KIZ: variants seen among roughly 807,000 people sequenced by gnomAD.
The protein encoded by KIZ is kizuna centrosomal protein, also known as centrosomal protein kizuna.
Under a neutral mutation model 79.6 loss-of-function variants are expected in KIZ, and 68 were observed. The ratio of observed to expected loss-of-function variants is 0.85; its 90% CI spans 0.70 to 1.05. KIZ has a LOEUF of 1.05. KIZ is among the 50% of genes least tolerant of loss of function. The pLI, the probability that KIZ is intolerant of heterozygous loss-of-function variation, is 0.00. For synonymous variants in KIZ, 280 were observed against 281.8 expected, an observed-to-expected ratio of 0.99 and a Z score of 0.06; for missense variants, 797 against 800.4, an observed-to-expected ratio of 1.00 and a Z score of 0.05.
chr20:21,140,542 A>G (rs1254893336), intron 3 of KIZ, among the ~76,000 whole-genome samples: 2 of 152,212 alleles, frequency 1.3e-5, no homozygotes, highest in African/African-American at 4.8e-5. Context: ...TTTATGACTC[A>G]TAATACTTTA....
In KIZ at chr20:21,134,641, ACT is replaced by A. The variant is rs199631339; in HGVS notation, c.153-1745_153-1744del. On this transcript the variant is annotated intron_variant, in intron 2 of 12. Coordinates refer to ENST00000619189, the MANE Select transcript of KIZ (RefSeq NM_018474.6). ...TTTTTGGCTTCATCAATTTTGATTA[ACT>A]CTCATTCATCTTTCAGGTTTTTTTT... Among the ~76,000 whole-genome samples the A allele has an allele frequency of 1.0e-4, 15 of 146,570 alleles. No individual in the cohort carries two copies. The East Asian group carries it at 3.0e-3, about 29-fold the overall frequency.
At chr20:21,226,126 G>C (rs888661649) in intron 9 of KIZ, 2 of 152,268 alleles carry the variant, frequency 1.3e-5, no homozygotes, top group Non-Finnish European at 2.9e-5. Context: ...TTTTTAAAAA[G>C]AAGAAAGAAA....
At chr20:21,190,865 A>G (rs2035077107) in intron 6 of KIZ, among the ~76,000 whole-genome samples, 2 of 152,372 alleles carry the variant, frequency 1.3e-5, no homozygotes, top group African/African-American at 2.4e-5. Flanking sequence ...TGCCCTGTCA[A>G]TAGACAATAG....
rs200184705 is a variant in KIZ, at chr20:21,213,283, C to T, written c.1447-1252C>T. Among the ~76,000 whole-genome samples the T allele has an allele frequency of 2.4e-4, 36 of 152,314 alleles. No individual in the cohort carries two copies. The East Asian group carries it at 6.8e-3, about 29-fold the overall frequency. ...TTCTTACCGGGCCTTCCGTCCGGGC[C>T]TTCCGACCGGACCTTCCATGCTCTG... On this transcript the variant is annotated intron_variant, in intron 7 of 12. Transcript: ENST00000619189.
At chr20:21,210,263 G>A (rs1397170473) in intron 7 of KIZ, among the ~76,000 whole-genome samples, 5 of 152,042 alleles carry the variant, frequency 3.3e-5, no homozygotes, top group African/African-American at 9.7e-5. Context: ...AGCTTCGATC[G>A]CGCCACTGCA....
intron 9 of KIZ, among the ~76,000 whole-genome samples, chr20:21,220,735 C>T (rs182653893): frequency 1.3e-5 from 2 of 152,354 alleles, no homozygotes; most frequent in East Asian, 1.9e-4. Context: ...CCACCTTGGC[C>T]TCCCAAAGTG....
At chr20:21,155,367 C>T (rs2033327467) in intron 4 of KIZ, among the ~76,000 whole-genome samples, 1 of 151,864 alleles carries the variant, frequency 6.6e-6, no homozygotes, top group African/African-American at 2.4e-5. Flanking sequence ...ATAAATGCCA[C>T]AAAATGGATA....
Position 21,163,065 on chromosome 20 carries a change from A to C in KIZ, c.1258A>C (p.Arg420=). 1 of 1,613,806 alleles carries C rather than the reference A, an allele frequency of 6.2e-7. No individual in the cohort carries two copies. The highest frequency in any genetic ancestry group is 1.1e-5 in the South Asian group (1 of 91,082). The part of the protein sequence containing the change: ...ALKLIHAEQE[R]VALSTEKNCI... ...AAAATTAATCCATGCTGAGCAAGAA[A>C]GAGTTGCCCTATCCACTGAAAAAAA... Residue 420 remains arginine, a synonymous_variant, in exon 6 of 13, where the codon AGA becomes CGA. Coordinates refer to ENST00000619189, the MANE Select transcript of KIZ (RefSeq NM_018474.6).
At chr20:21,205,044 G>A (rs182402579) in intron 6 of KIZ, among the ~76,000 whole-genome samples, 1 of 152,268 alleles carries the variant, frequency 6.6e-6, no homozygotes, top group African/African-American at 2.4e-5. Context: ...TCAGGAGGCC[G>A]AGGCAGGTGG....
chr20:21,228,482 C>T (rs908276472), intron 9 of KIZ, among the ~76,000 whole-genome samples: 4 of 152,126 alleles, frequency 2.6e-5, no homozygotes, highest in African/African-American at 4.8e-5. Context: ...AACCCGTTCT[C>T]GCTCCTTCCC....
At chr20:21,154,449 A>T (rs1329691055) in intron 4 of KIZ, among the ~76,000 whole-genome samples, 2 of 152,226 alleles carry the variant, frequency 1.3e-5, no homozygotes, top group African/African-American at 4.8e-5. Flanking sequence ...ATTTTCAGTC[A>T]TGTTCATGTG....
chr20:21,224,613 A>G (rs898800498), intron 9 of KIZ, among the ~76,000 whole-genome samples: 2 of 152,246 alleles, frequency 1.3e-5, no homozygotes, highest in African/African-American at 4.8e-5. Flanking sequence ...CTGTAGTGAT[A>G]GTATTGTTTG....
rs549596975 is a variant in KIZ, at chr20:21,244,123, G to A, written c.1881-122G>A. ...TCCCTTTACTTTTAAACTCTGGGAA[G>A]TAAGTGTAAAGTTCTGGCCTCCAGT... is the stretch of plus-strand genomic sequence containing the variant. On this transcript the variant is annotated intron_variant, in intron 11 of 12. Coordinates refer to ENST00000619189, the MANE Select transcript of KIZ (RefSeq NM_018474.6). 3.5e-4 allele frequency: 248 copies of A among 718,826 alleles called. No individual in the cohort carries two copies. In the African/African-American group the frequency reaches 4.2e-3, roughly 12 times the overall value. The allele number at this position is 718,826 out of a possible 1,614,324, so 44.5% of individuals were successfully genotyped here.
intron 11 of KIZ, among the ~76,000 whole-genome samples, chr20:21,238,224 T>G (rs1276664351): frequency 2.0e-5 from 3 of 152,072 alleles, no homozygotes; most frequent in East Asian, 1.9e-4. Flanking sequence ...GTTTGTTTTT[T>G]TTTTTTTTAA....
intron 6 of KIZ, among the ~76,000 whole-genome samples, chr20:21,191,171 A>G (rs569590525): frequency 8.5e-4 from 129 of 152,360 alleles, no homozygotes; most frequent in African/African-American, 3.0e-3. Flanking sequence ...CATTTATTCA[A>G]CAAATAGTTA....
intron 7 of KIZ, among the ~76,000 whole-genome samples, chr20:21,209,946 A>G (rs976861553): frequency 2.7e-5 from 4 of 145,866 alleles, no homozygotes; most frequent in African/African-American, 1.0e-4. Context: ...AACAAGCATT[A>G]AAAATCTTGA....
intron 11 of KIZ, 138 bp from the exon 12 acceptor site, chr20:21,244,101 CTTTACT>C (rs2037311594): frequency 1.5e-6 from 1 of 683,952 alleles, no homozygotes; most frequent in Admixed American, 2.7e-5. Flanking sequence ...GATATTTTCC[CTTTACT>C]TTTAAACTCT....
chr20:21,147,994 T>TGTGTGTGG (rs1305964631), intron 4 of KIZ, among the ~76,000 whole-genome samples: 23 of 151,246 alleles, frequency 1.5e-4, no homozygotes, highest in Non-Finnish European at 3.2e-4. Context: ...TGTGTGTGTG[T>TGTGTGTGG]GGCAGCAGAT....
intron 6 of KIZ, among the ~76,000 whole-genome samples, 163 bp downstream of exon 6, chr20:21,163,322 CTTCT>C (rs1464211459): frequency 6.6e-6 from 1 of 152,108 alleles, no homozygotes; most frequent in Admixed American, 6.6e-5. Flanking sequence ...TCTTTCTGTC[CTTCT>C]TTCTTCTTTC....
Sources: gnomAD v4.1 joint callset for allele counts (sites outside exome capture counted in the v4.1 genomes callset) on GRCh38, gnomAD v4.1.1 for gene constraint, MANE v1.5 for transcripts, NCBI Gene and HGNC (gene_info 2026-07-23, HGNC 2026-07-21) for gene names.